Variants in RANBP2 observed in about 807,000 individuals in gnomAD.
RANBP2 encodes RAN binding protein 2.
Under a neutral mutation model 303.6 loss-of-function variants are expected in RANBP2, and 57 were observed. The observed-to-expected ratio is 0.19, with a 90% CI of 0.15 to 0.23. The LOEUF is 0.23. Among genes scored for constraint, RANBP2 ranks in the 10% least tolerant of loss-of-function variants. The pLI, the probability that RANBP2 is intolerant of heterozygous loss-of-function variation, is 1.00. For missense variants in RANBP2, 3,138 were observed against 3,780.8 expected (o/e 0.83, Z 4.46); for synonymous variants, 1,167 against 1,301.5 (o/e 0.90, Z 2.23).
chr2:109,121,130 C>T, the RANBP2 span, among the ~76,000 whole-genome samples: 13 of 152,132 alleles, frequency 8.5e-5, no homozygotes, highest in Non-Finnish European at 1.5e-4. Flanking sequence ...CGCCTGTAGT[C>T]CCAGCTACTC....
the RANBP2 span, among the ~76,000 whole-genome samples, chr2:109,417,873 G>C: frequency 6.6e-6 from 1 of 152,200 alleles, no homozygotes; most frequent in African/African-American, 2.4e-5. Flanking sequence ...GAGGTTATCA[G>C]CTAAGCAAGG....
At chr2:109,173,574 C>T in the RANBP2 span, among the ~76,000 whole-genome samples, 13 of 152,232 alleles carry the variant, frequency 8.5e-5, no homozygotes, top group East Asian at 1.7e-3. Flanking sequence ...CTGGTGGCTG[C>T]GGGGAAGGCC....
chr2:108,866,343 AAGC>A, the RANBP2 span, among the ~76,000 whole-genome samples: 1 of 152,196 alleles, frequency 6.6e-6, no homozygotes, highest in African/African-American at 2.4e-5. Context: ...CACATCTGCA[AAGC>A]ATTTGTCTTA....
At chr2:109,057,598 G>A in the RANBP2 span, among the ~76,000 whole-genome samples, 1 of 152,216 alleles carries the variant, frequency 6.6e-6, no homozygotes, top group African/African-American at 2.4e-5. Flanking sequence ...GGCCATTTGT[G>A]GCCAGTAAAC....
At chr2:109,621,854 A>T in the RANBP2 span, among the ~76,000 whole-genome samples, 2 of 152,066 alleles carry the variant, frequency 1.3e-5, no homozygotes, top group Non-Finnish European at 2.9e-5. Context: ...CGGAGGTTGC[A>T]GTGAGCTGAG....
At chr2:108,892,159 C>T in the RANBP2 span, among the ~76,000 whole-genome samples, 121,214 of 152,012 alleles carry the variant, frequency 0.8, 50,638 homozygotes, top group East Asian at 0.98. Context: ...TGTGGCTGTG[C>T]TCTGTGGCCA....
At chr2:109,041,276 T>C in the RANBP2 span, among the ~76,000 whole-genome samples, 1 of 152,294 alleles carries the variant, frequency 6.6e-6, no homozygotes, top group African/African-American at 2.4e-5. Context: ...TGGTAGTTTC[T>C]TCCCCCTGCT....
At chr2:109,420,662 G>A in the RANBP2 span, among the ~76,000 whole-genome samples, 1 of 152,092 alleles carries the variant, frequency 6.6e-6, no homozygotes. Flanking sequence ...AGCCAGGATG[G>A]TCTCGATCTC....
At chr2:109,702,183 G>A in the RANBP2 span, among the ~76,000 whole-genome samples, 31 of 152,358 alleles carry the variant, frequency 2.0e-4, no homozygotes, top group South Asian at 4.1e-3. Flanking sequence ...CAGTCCTCAT[G>A]ACAGTGACAG....
At chr2:109,296,787 G>A in the RANBP2 span, among the ~76,000 whole-genome samples, 1 of 152,190 alleles carries the variant, frequency 6.6e-6, no homozygotes, top group East Asian at 1.9e-4. Context: ...GGAATAGGCA[G>A]TGGTCAGCTG....
the RANBP2 span, among the ~76,000 whole-genome samples, chr2:109,240,834 C>T: frequency 6.6e-6 from 1 of 151,982 alleles, no homozygotes; most frequent in South Asian, 2.1e-4. Flanking sequence ...CTACTGGACT[C>T]CTGACACCCC....
chr2:108,820,075 C>T, the RANBP2 span, among the ~76,000 whole-genome samples: 5 of 150,876 alleles, frequency 3.3e-5, no homozygotes, highest in East Asian at 7.7e-4. Flanking sequence ...GACTTCATTA[C>T]GCAGAAGACA....
chr2:108,743,140 A>G (rs1476913543), intron 7 of RANBP2, among the ~76,000 whole-genome samples: 1 of 152,178 alleles, frequency 6.6e-6, no homozygotes, highest in Non-Finnish European at 1.5e-5. Flanking sequence ...CTGTGTGTCT[A>G]TTAGAGTCTT....
chr2:108,971,041 G>A, the RANBP2 span, among the ~76,000 whole-genome samples: 29,978 of 152,016 alleles, frequency 0.2, 4,534 homozygotes, highest in East Asian at 0.84. Context: ...GGATGATGCT[G>A]GTGGTGGGGA....
At chr2:109,483,110 TC>T in the RANBP2 span, among the ~76,000 whole-genome samples, 1 of 152,212 alleles carries the variant, frequency 6.6e-6, no homozygotes, top group Non-Finnish European at 1.5e-5. Context: ...CCTGTGCTCT[TC>T]CAGTAACTGT....
At chr2:108,919,287 A>C in the RANBP2 span, among the ~76,000 whole-genome samples, 7 of 152,132 alleles carry the variant, frequency 4.6e-5, no homozygotes, top group Non-Finnish European at 1.0e-4. Flanking sequence ...GCCTGAGGGG[A>C]CTTCGTCACT....
At chr2:109,533,636 A>G in the RANBP2 span, among the ~76,000 whole-genome samples, 1 of 152,218 alleles carries the variant, frequency 6.6e-6, no homozygotes, top group Non-Finnish European at 1.5e-5. Flanking sequence ...TAAAAGCTTT[A>G]AAAGAAAAAA....
At chr2:109,685,210 G>A in the RANBP2 span, among the ~76,000 whole-genome samples, 3 of 152,156 alleles carry the variant, frequency 2.0e-5, no homozygotes, top group African/African-American at 4.8e-5. Flanking sequence ...GTTCCATTGT[G>A]CAGATGTGCA....
the RANBP2 span, among the ~76,000 whole-genome samples, chr2:109,468,697 T>TA: frequency 1.3e-5 from 2 of 150,924 alleles, no homozygotes; most frequent in Admixed American, 6.6e-5. Flanking sequence ...CTATTAAAAA[T>TA]AAAAAAATGA....
Sources: gnomAD v4.1 joint callset for allele counts (sites outside exome capture counted in the v4.1 genomes callset) on GRCh38, gnomAD v4.1.1 for gene constraint, MANE v1.5 for transcripts, NCBI Gene and HGNC (gene_info 2026-07-23, HGNC 2026-07-21) for gene names.